Variants in SMARCA2 observed in about 807,000 individuals in gnomAD.
SMARCA2 encodes SWI/SNF related BAF chromatin remodeling complex subunit ATPase 2.
Under a neutral mutation model 199.8 loss-of-function variants are expected in SMARCA2, and 61 were observed. The ratio of observed to expected loss-of-function variants is 0.31; its 90% CI spans 0.25 to 0.38. The LOEUF (loss-of-function observed/expected upper bound fraction) is 0.38. Among genes scored for constraint, SMARCA2 ranks in the 10% least tolerant of loss-of-function variants. The probability of loss-of-function intolerance (pLI) is 1.00; values close to 1 mark genes in which losing one functional copy is unlikely to be tolerated. For missense variants in SMARCA2, 1,344 were observed against 2,012.2 expected (o/e 0.67, Z 6.35); for synonymous variants, 935 against 732.0 (o/e 1.28, Z -4.48).
chr9:2,141,248 A>T (rs1235137667), intron 27 of SMARCA2, among the ~76,000 whole-genome samples: 1 of 152,182 alleles, frequency 6.6e-6, no homozygotes, highest in Non-Finnish European at 1.5e-5. Context: ...GGAAGCTATA[A>T]ATAGACAGCA....
At chr9:2,069,715 T>G (rs2130407890) in intron 9 of SMARCA2, among the ~76,000 whole-genome samples, 1 of 152,314 alleles carries the variant, frequency 6.6e-6, no homozygotes, top group East Asian at 1.9e-4. Flanking sequence ...AGTTTTATAT[T>G]ATGTTTTTAT....
intron 24 of SMARCA2, among the ~76,000 whole-genome samples, chr9:2,113,819 C>A (rs1243941325): frequency 6.6e-6 from 1 of 152,198 alleles, no homozygotes; most frequent in African/African-American, 2.4e-5. Flanking sequence ...GTTTTGTCAG[C>A]ATCTTCTTGG....
rs1233949889 is a variant in SMARCA2 at position 2,170,417 on chromosome 9, A to G, written c.4200-2A>G. The G allele has an allele frequency of 9.3e-6, 15 of 1,614,142 alleles. No individual in the cohort carries two copies. The highest frequency in any genetic ancestry group is 3.3e-4 in the Middle Eastern group (2 of 6,062). ...TCTAGTGTTCTTTCTACTCTACCGCAGGTGTAACGTGGAGAAGGTGCCCAG... is the reference window on the plus strand; with the variant it reads ...TCTAGTGTTCTTTCTACTCTACCGCGGGTGTAACGTGGAGAAGGTGCCCAG... On this transcript the variant is annotated splice_acceptor_variant, in intron 28 of 33. Coordinates refer to ENST00000349721, the MANE Select transcript of SMARCA2 (RefSeq NM_003070.5). LOFTEE classifies it high-confidence loss of function. The surrounding 1 kb of genome is among the most constrained non-coding windows in gnomAD (Gnocchi z 4.7).
At position 2,186,125 on chromosome 9, in the gene SMARCA2, A is replaced by T; in HGVS notation, c.4491A>T (p.Ser1497=). Reference sequence around the variant, plus strand: ...ATGAAGACTCCATCGTCTTACAGTCAGTGTTTAAGAGTGCCCGGCAGAAAA... The same window carrying T: ...ATGAAGACTCCATCGTCTTACAGTCTGTGTTTAAGAGTGCCCGGCAGAAAA... ...QIYEDSIVLQ[S]VFKSARQKIA... Residue 1497 remains serine, a synonymous_variant, in exon 32 of 34, where the codon TCA becomes TCT. Transcript: ENST00000349721. 1 of 1,614,068 alleles carries T rather than the reference A, an allele frequency of 6.2e-7. No homozygotes were observed. Among genetic ancestry groups the T allele is most frequent in the Non-Finnish European group, 8.5e-7 (1 of 1,179,926 alleles).
rs1473304430 is a variant in SMARCA2 at position 2,032,959 on chromosome 9, A to T, written c.233A>T (p.Asp78Val). Residue 78 changes from aspartate to valine, a missense_variant, in exon 3 of 34, where the codon GAT becomes GTT. Physicochemically the swap from Asp to Val is radical, Grantham distance 152 (BLOSUM62 -3). Transcript: ENST00000349721. ...GTCCTTTAAATGTTTCAGCCCATCG[A>T]TGGTATACATGACAAGGGGATTGTA... Reference protein sequence around the residue: ...EGMHQMHKPIDGIHDKGIVED... With the variant: ...EGMHQMHKPIVGIHDKGIVED... 6.2e-7 allele frequency: 1 copy of T among 1,613,828 alleles called. No individual in the cohort carries two copies.
rs753013339 is a variant in SMARCA2 at position 2,039,790 on chromosome 9, A to AGCC, written c.682_683insCGC (p.Gln227_Gln228insPro). 1.7e-5 allele frequency: 26 copies of AGCC among 1,561,246 alleles called. No individual in the cohort carries two copies. Among genetic ancestry groups the AGCC allele is most frequent in the Middle Eastern group, 1.7e-4 (1 of 5,872 alleles). On this transcript the variant is annotated inframe_insertion, in exon 4 of 34. Coordinates refer to ENST00000349721, the MANE Select transcript of SMARCA2 (RefSeq NM_003070.5). This position sits in a 1 kb window ranked among gnomAD's most constrained non-coding sequence, Gnocchi z 4.8. ...CAGCAGCAGCAACAGCAGCAGCAGC[A>AGCC]GCAGCAGCAGCAGCAGCAGCAGCAG...
At position 2,039,068 on chromosome 9, in the gene SMARCA2, G is replaced by A. The variant is rs944459931; in HGVS notation, c.356-398G>A. Among the ~76,000 whole-genome samples, 3 of 152,104 alleles carry A rather than the reference G, an allele frequency of 2.0e-5. No homozygotes were observed. The highest frequency in any genetic ancestry group is 4.8e-5 in the African/African-American group (2 of 41,406). Reference sequence around the variant, plus strand: ...GTAGCTATTGATCACTTGAAGTGTGGTTAGTTCGAATTGAGATGTCCTTTA... The same window carrying A: ...GTAGCTATTGATCACTTGAAGTGTGATTAGTTCGAATTGAGATGTCCTTTA... On this transcript the variant is annotated intron_variant, in intron 3 of 33. Transcript: ENST00000349721. This position sits in a 1 kb window ranked among gnomAD's most constrained non-coding sequence, Gnocchi z 4.8.
chr9:2,077,638 G>A lies in SMARCA2; in HGVS notation c.2046G>A (p.Lys682=). The A allele has an allele frequency of 6.8e-6, 11 of 1,613,794 alleles. No individual in the cohort carries two copies. Among genetic ancestry groups the A allele is most frequent in the Non-Finnish European group, 8.5e-6 (10 of 1,179,706 alleles). The part of the protein sequence containing the change: ...KDAKQIIETA[K]QDVDDEYSMQ... The stretch of plus-strand genomic sequence containing the variant: ...CTTTTTCCTTTCCCAGGACAGCTAA[G>A]CAAGACGTGGATGATGAATACAGCA... The change falls in exon 14 of 34, where the codon AAG becomes AAA. Residue 682 remains lysine, a synonymous_variant. Transcript: ENST00000349721.
rs367648673 is a variant in SMARCA2, at chr9:2,084,810, C to T, written c.2526+614C>T. ...AGGTGTTTCTGTGACTTACATGTCT[C>T]CTAATTTTTATGTCCTAAGTTGTTC... On this transcript the variant is annotated intron_variant, in intron 17 of 33. Transcript: ENST00000349721. Among the ~76,000 whole-genome samples, 37 of 152,190 alleles carry T rather than the reference C, an allele frequency of 2.4e-4. No homozygotes were observed. In the South Asian group the frequency reaches 6.9e-3, roughly 28 times the overall value.
chr9:2,102,993 T>C (rs981281166), intron 22 of SMARCA2, among the ~76,000 whole-genome samples: 1 of 151,382 alleles, frequency 6.6e-6, no homozygotes, highest in African/African-American at 2.4e-5. Flanking sequence ...CTCAAATCCT[T>C]CTGTCTCCTT....
chr9:2,176,182 G>GTTTTTTTTTTTTTTTTTTTTTTT (rs56186732), intron 29 of SMARCA2, among the ~76,000 whole-genome samples: 7 of 104,148 alleles, frequency 6.7e-5, no homozygotes, highest in African/African-American at 1.9e-4. Context: ...CGCCCGGCCT[G>GTTTTTTTTTTTTTTTTTTTTTTT]TTTTTTTTTT....
chr9:2,073,056 C>T (rs945027827), intron 10 of SMARCA2, 156 bp from the exon 11 acceptor site: 1 of 771,444 alleles, frequency 1.3e-6, no homozygotes, highest in East Asian at 2.8e-5. Flanking sequence ...GGGAGGTAGC[C>T]TCTCACCTCC....
At chr9:2,020,941 G>A (rs1030942978) in intron 1 of SMARCA2, among the ~76,000 whole-genome samples, 2 of 152,166 alleles carry the variant, frequency 1.3e-5, no homozygotes, top group Admixed American at 6.5e-5. Context: ...TTCTGGGTTT[G>A]TAATACATTA....
intron 1 of SMARCA2, among the ~76,000 whole-genome samples, chr9:2,025,379 A>G (rs896042289): frequency 6.6e-6 from 1 of 152,166 alleles, no homozygotes; most frequent in Non-Finnish European, 1.5e-5. Flanking sequence ...GTTTTTAGCC[A>G]CAGACACATA....
At chr9:2,082,060 T>G (rs1821587633) in intron 15 of SMARCA2, 65 bp downstream of exon 15, 1 of 1,353,888 alleles carries the variant, frequency 7.4e-7, no homozygotes, top group Non-Finnish European at 1.0e-6. Context: ...ATTAGTAGCT[T>G]GTCCTTGTTT....
At chr9:2,049,116 T>G (rs908627198) in intron 5 of SMARCA2, among the ~76,000 whole-genome samples, 3 of 152,196 alleles carry the variant, frequency 2.0e-5, no homozygotes, top group Non-Finnish European at 2.9e-5. Context: ...TGTTAAACTA[T>G]GTGAACTACC....
chr9:2,189,344 C>G (rs1353451235), intron 32 of SMARCA2, among the ~76,000 whole-genome samples: 1 of 152,028 alleles, frequency 6.6e-6, no homozygotes, highest in African/African-American at 2.4e-5. Flanking sequence ...TTTGGAGAGA[C>G]ATATCCACTG....
chr9:2,170,924 G>C lies in SMARCA2; in HGVS notation c.4253+452G>C, dbSNP rs1254359223. ...AAGCGTGCATGTTCACGCTGTGTCT[G>C]CATTCCAGAGTTGATCATGGCATGC... On this transcript the variant is annotated intron_variant, in intron 29 of 33. Coordinates refer to ENST00000349721, the MANE Select transcript of SMARCA2 (RefSeq NM_003070.5). The surrounding 1 kb of genome is among the most constrained non-coding windows in gnomAD (Gnocchi z 4.7). Among the ~76,000 whole-genome samples, 2 of 152,204 alleles carry C rather than the reference G, an allele frequency of 1.3e-5. No homozygotes were observed. The highest frequency in any genetic ancestry group is 4.8e-5 in the African/African-American group (2 of 41,444).
At chr9:2,137,661 T>A (rs1586743153) in intron 27 of SMARCA2, among the ~76,000 whole-genome samples, 1 of 152,248 alleles carries the variant, frequency 6.6e-6, no homozygotes, top group Non-Finnish European at 1.5e-5. Flanking sequence ...GTTATCTTAC[T>A]GTTCCTCTCC....
Sources: gnomAD v4.1 joint callset for allele counts (sites outside exome capture counted in the v4.1 genomes callset) on GRCh38, gnomAD v4.1.1 for gene constraint, Gnocchi (gnomAD v3.1) non-coding constraint, MANE v1.5 for transcripts, NCBI Gene and HGNC (gene_info 2026-07-23, HGNC 2026-07-21) for gene names.